STIM2: variants seen among roughly 807,000 people sequenced by gnomAD.
STIM2 encodes the protein stromal interaction molecule 2.
Under a neutral mutation model 85.8 loss-of-function variants are expected in STIM2, and 31 were observed. The ratio of observed to expected loss-of-function variants is 0.36; its 90% CI spans 0.27 to 0.49. STIM2 has a LOEUF of 0.49. Among genes scored for constraint, STIM2 ranks in the 20% least tolerant of loss-of-function variants. The pLI is 0.98. For synonymous variants in STIM2, 356 were observed against 331.1 expected (o/e 1.08, Z -0.82); for missense variants, 841 against 927.6 (o/e 0.91, Z 1.21).
At chr4:26,999,376 A>G (rs982559604) in intron 5 of STIM2, 29 bp downstream of exon 5, 4 of 1,350,532 alleles carry the variant, frequency 3.0e-6, no homozygotes, top group South Asian at 2.6e-5. Flanking sequence ...TCAGAGGATG[A>G]TGTAAAAGAA....
intron 3 of STIM2, among the ~76,000 whole-genome samples, chr4:26,981,085 A>C (rs1382864396): frequency 1.3e-5 from 2 of 152,178 alleles, no homozygotes; most frequent in East Asian, 3.9e-4. Context: ...ACAAAATCCA[A>C]AAGTGAGTAA....
At chr4:26,964,022 A>G (rs183876762) in intron 3 of STIM2, among the ~76,000 whole-genome samples, 6 of 152,320 alleles carry the variant, frequency 3.9e-5, no homozygotes, top group Admixed American at 6.5e-5. Context: ...ACAGATATCT[A>G]TTACTACTGT....
intron 1 of STIM2, among the ~76,000 whole-genome samples, chr4:26,917,254 C>G (rs761264665): frequency 3.9e-5 from 6 of 152,172 alleles, no homozygotes; most frequent in Non-Finnish European, 7.4e-5. Flanking sequence ...CTGCTTTTCA[C>G]TTTCCCCTTA....
At chr4:26,873,910 G>T in intron 1 of STIM2, 2 of 1,378,676 alleles carry the variant, frequency 1.5e-6, no homozygotes, top group Non-Finnish European at 1.0e-6. Context: ...CGGCTGAGTG[G>T]ACAGGGGCGC....
intron 1 of STIM2, among the ~76,000 whole-genome samples, chr4:26,877,183 A>G (rs912636142): frequency 6.6e-6 from 1 of 152,068 alleles, no homozygotes; most frequent in Non-Finnish European, 1.5e-5. Context: ...TCTTTATTTT[A>G]AAAAACACAC....
intron 2 of STIM2, among the ~76,000 whole-genome samples, chr4:26,930,188 A>G (rs917228511): frequency 3.3e-5 from 5 of 152,192 alleles, no homozygotes; most frequent in African/African-American, 1.2e-4. Context: ...TGTCAATTTT[A>G]GTGAAATTTT....
chr4:26,871,553 G>A (rs1008670290), intron 1 of STIM2, among the ~76,000 whole-genome samples: 6 of 152,042 alleles, frequency 3.9e-5, no homozygotes, highest in African/African-American at 9.7e-5. Context: ...ACTTTGACTC[G>A]ATTTGTTCAG....
At chr4:26,952,381 C>G (rs769806326) in intron 2 of STIM2, among the ~76,000 whole-genome samples, 17 of 152,020 alleles carry the variant, frequency 1.1e-4, no homozygotes, top group Non-Finnish European at 2.4e-4. Context: ...TCATTCGTGT[C>G]CAAGAAATCA....
chr4:26,979,268 G>C (rs1727299699), intron 3 of STIM2, among the ~76,000 whole-genome samples: 1 of 152,206 alleles, frequency 6.6e-6, no homozygotes, highest in South Asian at 2.1e-4. Context: ...TGGAGGAGGA[G>C]AAAAGTGAAT....
At chr4:26,929,701 T>G (rs1347005932) in intron 2 of STIM2, among the ~76,000 whole-genome samples, 1 of 152,168 alleles carries the variant, frequency 6.6e-6, no homozygotes, top group Non-Finnish European at 1.5e-5. Context: ...TATAATTTAT[T>G]TAATATTGAG....
intron 3 of STIM2, among the ~76,000 whole-genome samples, chr4:26,960,742 T>C (rs1015705381): frequency 8.5e-5 from 13 of 152,162 alleles, no homozygotes; most frequent in African/African-American, 2.9e-4. Context: ...GTACAACTTA[T>C]TAGCCATGGC....
At chr4:26,909,050 G>T (rs1724234305) in intron 1 of STIM2, among the ~76,000 whole-genome samples, 1 of 152,192 alleles carries the variant, frequency 6.6e-6, no homozygotes, top group Non-Finnish European at 1.5e-5. Context: ...CTGTGCTTCA[G>T]CCTTGGCAAC....
chr4:27,016,926 G>C (rs975903437), intron 10 of STIM2, among the ~76,000 whole-genome samples: 2 of 152,228 alleles, frequency 1.3e-5, no homozygotes, highest in Non-Finnish European at 2.9e-5. Context: ...AGAAGTAAGG[G>C]TGTGCAGACA....
intron 1 of STIM2, among the ~76,000 whole-genome samples, chr4:26,900,542 G>C (rs920298992): frequency 1.3e-5 from 2 of 152,062 alleles, no homozygotes; most frequent in African/African-American, 4.8e-5. Flanking sequence ...AGTCTTGTGT[G>C]GTTACTGCAT....
At chr4:26,999,835 CAAG>C (rs997545937) in intron 5 of STIM2, among the ~76,000 whole-genome samples, 32 of 152,114 alleles carry the variant, frequency 2.1e-4, no homozygotes, top group African/African-American at 7.5e-4. Context: ...CTGGCAGGAG[CAAG>C]AAGTAGAAAA....
chr4:26,897,783 T>G (rs1723766396), intron 1 of STIM2, among the ~76,000 whole-genome samples: 1 of 152,198 alleles, frequency 6.6e-6, no homozygotes, highest in Non-Finnish European at 1.5e-5. Flanking sequence ...ATTTATTTTT[T>G]GAGACAGGGT....
At chr4:27,013,133 A>C (rs1437465967) in intron 10 of STIM2, among the ~76,000 whole-genome samples, 2 of 151,828 alleles carry the variant, frequency 1.3e-5, no homozygotes, top group Non-Finnish European at 2.9e-5. Context: ...AACATCATAA[A>C]ATAAATGAAA....
chr4:26,979,770 A>G (rs1449720337), intron 3 of STIM2, among the ~76,000 whole-genome samples: 1 of 152,216 alleles, frequency 6.6e-6, no homozygotes, highest in Non-Finnish European at 1.5e-5. Context: ...TATCAAATAT[A>G]GGAAAAGCAG....
intron 10 of STIM2, among the ~76,000 whole-genome samples, chr4:27,014,359 T>C (rs1203060361): frequency 6.6e-6 from 1 of 151,942 alleles, no homozygotes; most frequent in African/African-American, 2.4e-5. Context: ...AGTTTTGATA[T>C]ATTAATTTGA....
Sources: gnomAD v4.1 joint callset for allele counts (sites outside exome capture counted in the v4.1 genomes callset) on GRCh38, gnomAD v4.1.1 for gene constraint, MANE v1.5 for transcripts, NCBI Gene and HGNC (gene_info 2026-07-23, HGNC 2026-07-21) for gene names.